The following PPARGC1A variants were observed in gnomAD, a reference collection of about 807,000 sequenced individuals.
PPARGC1A encodes the protein PPARG coactivator 1 alpha, also known as peroxisome proliferator-activated receptor gamma coactivator 1-alpha.
PPARGC1A carries 25 observed loss-of-function variants against 88.7 expected under a neutral mutation model. That is an observed-to-expected ratio of 0.28 (90% CI 0.21 to 0.39). PPARGC1A has a LOEUF of 0.39. Among genes scored for constraint, PPARGC1A ranks in the 10% least tolerant of loss-of-function variants. PPARGC1A has a pLI of 1.00. For synonymous variants in PPARGC1A, 363 were observed against 355.6 expected (o/e 1.02, Z -0.24); for missense variants, 880 against 968.7 (o/e 0.91, Z 1.22).
At chr4:24,432,910 A>G in the PPARGC1A span, among the ~76,000 whole-genome samples, 1 of 152,240 alleles carries the variant, frequency 6.6e-6, no homozygotes. Flanking sequence ...ACCAGCCTCT[A>G]CCAGGCACCT....
the PPARGC1A span, among the ~76,000 whole-genome samples, chr4:24,224,677 G>A: frequency 6.6e-6 from 1 of 152,104 alleles, no homozygotes; most frequent in African/African-American, 2.4e-5. Context: ...GTGCAAATGG[G>A]GGCAAAGTGG....
chr4:24,316,509 T>C, the PPARGC1A span, among the ~76,000 whole-genome samples: 2 of 152,246 alleles, frequency 1.3e-5, no homozygotes, highest in Non-Finnish European at 2.9e-5. Context: ...GAACTTTTCC[T>C]AGATATTAAT....
At chr4:24,400,956 T>C in the PPARGC1A span, among the ~76,000 whole-genome samples, 7 of 151,878 alleles carry the variant, frequency 4.6e-5, no homozygotes, top group Non-Finnish European at 7.4e-5. Flanking sequence ...TTTACTTGTA[T>C]CTGGAACATA....
At chr4:23,856,277 C>A (rs1459397841) in intron 2 of PPARGC1A, among the ~76,000 whole-genome samples, 4 of 152,142 alleles carry the variant, frequency 2.6e-5, no homozygotes, top group African/African-American at 9.7e-5. Flanking sequence ...AGAAAGAATT[C>A]TCTGTGCTTA....
the PPARGC1A span, among the ~76,000 whole-genome samples, chr4:23,971,940 AT>A: frequency 1.7e-4 from 26 of 151,550 alleles, no homozygotes; most frequent in Admixed American, 4.6e-4. Context: ...ATATACATAT[AT>A]TTTTTTTTCC....
chr4:23,927,697 A>G, the PPARGC1A span, among the ~76,000 whole-genome samples: 1 of 152,158 alleles, frequency 6.6e-6, no homozygotes, highest in Admixed American at 6.5e-5. Flanking sequence ...TACCATCTAC[A>G]CAAACTAAGG....
chr4:23,835,714 G>A (rs1488657830), intron 2 of PPARGC1A, among the ~76,000 whole-genome samples: 1 of 152,114 alleles, frequency 6.6e-6, no homozygotes, highest in South Asian at 2.1e-4. Flanking sequence ...GTTTCAAATT[G>A]TCTGTGTTTT....
the PPARGC1A span, among the ~76,000 whole-genome samples, chr4:24,338,024 G>A: frequency 0.016 from 2,462 of 152,134 alleles, 125 homozygotes; most frequent in Admixed American, 0.098. Flanking sequence ...TCTTGAGCAC[G>A]GTGACCCTCA....
intron 2 of PPARGC1A, chr4:23,875,677 G>T (rs1714551780): frequency 6.6e-6 from 1 of 152,022 alleles, no homozygotes; most frequent in Non-Finnish European, 1.5e-5. Flanking sequence ...ATATTCTTCA[G>T]CTAAATCCCA....
chr4:23,889,371 G>A, intron 1 of PPARGC1A: 4 of 985,138 alleles, frequency 4.1e-6, no homozygotes, highest in Non-Finnish European at 4.8e-6. Context: ...TGTGTTCTGT[G>A]GGAAAAGCAA....
the PPARGC1A span, among the ~76,000 whole-genome samples, chr4:23,912,754 G>C: frequency 6.6e-6 from 1 of 150,718 alleles, no homozygotes; most frequent in Non-Finnish European, 1.5e-5. Flanking sequence ...CCTACCAATT[G>C]TAGCCTTGCC....
the PPARGC1A span, among the ~76,000 whole-genome samples, chr4:24,263,011 AC>A: frequency 6.6e-6 from 1 of 152,216 alleles, no homozygotes; most frequent in Non-Finnish European, 1.5e-5. Flanking sequence ...TAACAGTCCT[AC>A]GTAGATTTTA....
At chr4:24,366,034 T>G in the PPARGC1A span, among the ~76,000 whole-genome samples, 14 of 152,274 alleles carry the variant, frequency 9.2e-5, no homozygotes, top group African/African-American at 3.4e-4. Context: ...GAGCTAAACA[T>G]TCCCTCACTC....
the PPARGC1A span, among the ~76,000 whole-genome samples, chr4:24,077,423 G>T: frequency 6.6e-6 from 1 of 151,978 alleles, no homozygotes; most frequent in Non-Finnish European, 1.5e-5. Context: ...CATGGCAATG[G>T]GAGGCAGTGG....
At chr4:24,044,302 T>C in the PPARGC1A span, among the ~76,000 whole-genome samples, 1 of 152,186 alleles carries the variant, frequency 6.6e-6, no homozygotes, top group Non-Finnish European at 1.5e-5. Flanking sequence ...TTCTCACAAA[T>C]CCTTCGTCTT....
chr4:24,206,823 G>A, the PPARGC1A span, among the ~76,000 whole-genome samples: 14 of 133,944 alleles, frequency 1.0e-4, no homozygotes, highest in East Asian at 2.3e-4. Context: ...TCTGGGTGAC[G>A]GAGAAAGACT....
chr4:24,099,079 G>A, the PPARGC1A span, among the ~76,000 whole-genome samples: 1 of 152,078 alleles, frequency 6.6e-6, no homozygotes, highest in Admixed American at 6.5e-5. Flanking sequence ...CTTAGCAAAT[G>A]TTAATCCCAG....
At chr4:23,980,235 T>C in the PPARGC1A span, among the ~76,000 whole-genome samples, 1 of 151,890 alleles carries the variant, frequency 6.6e-6, no homozygotes, top group South Asian at 2.1e-4. Flanking sequence ...TTGGTCTTTA[T>C]TTTCTTCCAA....
At chr4:23,809,074 A>G (rs544538425) in intron 10 of PPARGC1A, among the ~76,000 whole-genome samples, 2 of 152,224 alleles carry the variant, frequency 1.3e-5, no homozygotes, top group Non-Finnish European at 2.9e-5. Context: ...CTTCTTACTC[A>G]TTACTTTAAG....
Sources: gnomAD v4.1 joint callset for allele counts (sites outside exome capture counted in the v4.1 genomes callset) on GRCh38, gnomAD v4.1.1 for gene constraint, MANE v1.5 for transcripts, NCBI Gene and HGNC (gene_info 2026-07-23, HGNC 2026-07-21) for gene names.